The following FAXDC2 variants were observed in gnomAD, a reference collection of about 807,000 sequenced individuals.
FAXDC2 encodes the protein fatty acid hydroxylase domain-containing protein 2.
A neutral mutation model predicts 40.9 loss-of-function variants in FAXDC2; 41 were observed. The ratio of observed to expected loss-of-function variants is 1.00; its 90% CI spans 0.78 to 1.30. The LOEUF (loss-of-function observed/expected upper bound fraction) is 1.30. Ranked by LOEUF, FAXDC2 falls within the 50% of genes most tolerant of loss-of-function variation. The pLI, the probability that FAXDC2 is intolerant of heterozygous loss-of-function variation, is 0.00. For missense variants in FAXDC2, 390 were observed against 408.8 expected (o/e 0.95, Z 0.40); for synonymous variants, 157 against 149.3 (o/e 1.05, Z -0.38).
intron 6 of FAXDC2, chr5:154,823,181 T>C (rs1677908513): frequency 1.8e-6 from 1 of 557,012 alleles, no homozygotes; most frequent in East Asian, 3.1e-5. Context: ...CTGGCTAATT[T>C]TTTAAATTTT....
intron 1 of FAXDC2, among the ~76,000 whole-genome samples, chr5:154,844,249 G>A (rs959776054): frequency 5.9e-5 from 9 of 151,432 alleles, no homozygotes; most frequent in Non-Finnish European, 1.2e-4. Flanking sequence ...GGAAAACATA[G>A]TGAGACCCTG....
At chr5:154,837,329 C>T (rs1157087359) in intron 2 of FAXDC2, among the ~76,000 whole-genome samples, 2 of 151,984 alleles carry the variant, frequency 1.3e-5, no homozygotes, top group African/African-American at 4.8e-5. Flanking sequence ...ATGTTATTCT[C>T]TGTCACCCAG....
intron 1 of FAXDC2, among the ~76,000 whole-genome samples, chr5:154,840,430 T>C (rs1248194290): frequency 6.6e-6 from 1 of 151,990 alleles, no homozygotes; most frequent in African/African-American, 2.4e-5. Flanking sequence ...CACCATGGTG[T>C]CCAAGCTGGA....
intron 4 of FAXDC2, chr5:154,831,364 G>A (rs1760184626): frequency 6.4e-6 from 1 of 155,262 alleles, no homozygotes; most frequent in East Asian, 1.9e-4. Flanking sequence ...CTTAATCCCT[G>A]TCATCCTACT....
At chr5:154,841,029 C>G (rs1760464803) in intron 1 of FAXDC2, among the ~76,000 whole-genome samples, 1 of 150,530 alleles carries the variant, frequency 6.6e-6, no homozygotes, top group Admixed American at 6.8e-5. Flanking sequence ...GGAAGAGCCT[C>G]TCAGGGAGAA....
intron 2 of FAXDC2, 133 bp downstream of exon 2, chr5:154,837,998 A>G: frequency 1.5e-6 from 1 of 655,284 alleles, no homozygotes; most frequent in East Asian, 2.7e-5. Context: ...TCAGTTACTG[A>G]AAATGAAGAC....
chr5:154,849,839 C>T (rs953847924), intron 1 of FAXDC2, among the ~76,000 whole-genome samples: 2 of 152,220 alleles, frequency 1.3e-5, no homozygotes, highest in African/African-American at 2.4e-5. Flanking sequence ...ACACACTTTA[C>T]TGTATGCCCT....
In FAXDC2 at chr5:154,818,991, C is replaced by G. The variant is rs1259336014; in HGVS notation, c.*1325G>C. ...AGGGAGATGCTGCCTGGTAAGTGCT[C>G]AGCTGGCCTACTGGGCAAGTCCTCT... is the stretch of plus-strand genomic sequence containing the variant. On this transcript the variant is annotated 3_prime_UTR_variant, in exon 9 of 9. Coordinates refer to ENST00000326080, the MANE Select transcript of FAXDC2 (RefSeq NM_032385.5). 2 of 152,218 alleles carry G rather than the reference C, an allele frequency of 1.3e-5. No individual in the cohort carries two copies. Among genetic ancestry groups the G allele is most frequent in the Non-Finnish European group, 2.9e-5 (2 of 68,052 alleles). The allele number at this position is 152,218 out of a possible 1,614,324, so 9.4% of individuals were successfully genotyped here.
chr5:154,820,676 C>A (rs1460939626), intron 8 of FAXDC2: 3 of 473,926 alleles, frequency 6.3e-6, no homozygotes, highest in Non-Finnish European at 1.2e-5. Context: ...TTTGCCGTAT[C>A]TGGAGTCCTC....
chr5:154,827,915 T>C (rs1760083822), intron 5 of FAXDC2, among the ~76,000 whole-genome samples: 1 of 146,672 alleles, frequency 6.8e-6, no homozygotes, highest in South Asian at 2.2e-4. Flanking sequence ...AGTGGTATGA[T>C]CATAGCTCAC....
At chr5:154,824,477 C>G (rs1353894082) in intron 5 of FAXDC2, 1 of 702,544 alleles carries the variant, frequency 1.4e-6, no homozygotes, top group Non-Finnish European at 2.6e-6. Context: ...TCCAGCCTTT[C>G]CAGGCACTGC....
At chr5:154,835,335 C>A (rs1760314807) in intron 2 of FAXDC2, 1 of 177,696 alleles carries the variant, frequency 5.6e-6, no homozygotes, top group African/African-American at 2.4e-5. Flanking sequence ...TCCCAATACC[C>A]AGGGTCCCCT....
Position 154,829,029 on chromosome 5 carries a change from C to T in FAXDC2, c.366+1772G>A, listed in dbSNP as rs1044361970. On this transcript the variant is annotated intron_variant, in intron 5 of 8. Coordinates refer to ENST00000326080, the MANE Select transcript of FAXDC2 (RefSeq NM_032385.5). ...CTGCCTCCCAGGTTCAAGCAATTCT[C>T]CTCCAGGCATGCGCCACCATGCCCA... Among the ~76,000 whole-genome samples, 6 of 151,262 alleles carry T rather than the reference C, an allele frequency of 4.0e-5. No homozygotes were observed. In the East Asian group the frequency reaches 9.7e-4, roughly 25 times the overall value.
At chr5:154,825,477 T>G (rs1760005482) in intron 5 of FAXDC2, among the ~76,000 whole-genome samples, 1 of 150,418 alleles carries the variant, frequency 6.6e-6, no homozygotes, top group South Asian at 2.1e-4. Flanking sequence ...ACCAATACGG[T>G]GAAACCCTGT....
chr5:154,849,019 C>T (rs957377074), intron 1 of FAXDC2, among the ~76,000 whole-genome samples: 1 of 137,884 alleles, frequency 7.3e-6, no homozygotes, highest in Non-Finnish European at 1.6e-5. Flanking sequence ...TTGGCTTATG[C>T]CTGTAATCTC....
rs1340129469 is a variant in FAXDC2 at position 154,819,555 on chromosome 5, C to T, written c.*761G>A. The stretch of plus-strand genomic sequence containing the variant: ...GGTAAAAGGGCTTTTCACAGTTTCC[C>T]AGCAGTTGGTTTTTGGTTTCCACAT... On this transcript the variant is annotated 3_prime_UTR_variant, in exon 9 of 9. Transcript: ENST00000326080. 1 of 152,142 alleles carries T rather than the reference C, an allele frequency of 6.6e-6. No individual in the cohort carries two copies. Among genetic ancestry groups the T allele is most frequent in the Non-Finnish European group, 1.5e-5 (1 of 68,056 alleles). The allele number at this position is 152,142 out of a possible 1,614,324, so 9.4% of individuals were successfully genotyped here.
intron 7 of FAXDC2, chr5:154,822,156 A>G (rs1350935575): frequency 3.9e-6 from 1 of 253,526 alleles, no homozygotes; most frequent in East Asian, 8.7e-5. Context: ...TATTTGGAAG[A>G]CTGAAGCTAG....
rs1759810574 is a variant in FAXDC2, at chr5:154,819,158, A to G, written c.*1158T>C. 6.6e-6 allele frequency: 1 copy of G among 152,262 alleles called. No individual in the cohort carries two copies. The highest frequency in any genetic ancestry group is 2.1e-4 in the South Asian group (1 of 4,834). The allele number at this position is 152,262 out of a possible 1,614,324, so 9.4% of individuals were successfully genotyped here. ...ACTGAAAGTTGGAAAAGGCACAAGT[A>G]TATATAAGAATTTAGTAAAATGATA... is the stretch of plus-strand genomic sequence containing the variant. On this transcript the variant is annotated 3_prime_UTR_variant, in exon 9 of 9. Coordinates refer to ENST00000326080, the MANE Select transcript of FAXDC2 (RefSeq NM_032385.5).
intron 1 of FAXDC2, among the ~76,000 whole-genome samples, chr5:154,843,356 T>G (rs997183593): frequency 1.3e-5 from 2 of 152,212 alleles, no homozygotes; most frequent in Non-Finnish European, 2.9e-5. Context: ...CTTTAGGAGC[T>G]CATCCATTCC....
Sources: allele counts gnomAD v4.1 joint callset (sites outside exome capture counted in the v4.1 genomes callset), GRCh38; gene constraint gnomAD v4.1.1; transcripts MANE v1.5; gene names NCBI Gene and HGNC (gene_info 2026-07-23, HGNC 2026-07-21).